The following MINDY2 variants were observed in gnomAD, a reference collection of about 807,000 sequenced individuals.
The protein encoded by MINDY2 is ubiquitin carboxyl-terminal hydrolase MINDY-2.
MINDY2 carries 52 observed loss-of-function variants against 68.2 expected under a neutral mutation model. The observed-to-expected ratio is 0.76, with a 90% CI of 0.61 to 0.96. MINDY2 has a LOEUF of 0.96. Ranked by LOEUF, MINDY2 falls within the 40% of genes least tolerant of loss-of-function variation. The probability of loss-of-function intolerance (pLI) is 0.00; values close to 1 mark genes in which losing one functional copy is unlikely to be tolerated. For synonymous variants in MINDY2, 372 were observed against 303.0 expected (o/e 1.23, Z -2.36); for missense variants, 881 against 773.4 (o/e 1.14, Z -1.65).
chr15:58,803,270 T>A (rs1231115320), intron 3 of MINDY2, among the ~76,000 whole-genome samples: 1 of 146,350 alleles, frequency 6.8e-6, no homozygotes, highest in South Asian at 2.2e-4. Context: ...ATGGAGACCA[T>A]CCTTGTCAAC....
At chr15:58,807,668 T>C (rs1253142472) in intron 3 of MINDY2, among the ~76,000 whole-genome samples, 1 of 152,166 alleles carries the variant, frequency 6.6e-6, no homozygotes, top group Non-Finnish European at 1.5e-5. Context: ...CGGCCTAAAA[T>C]AGTCTTTATT....
intron 5 of MINDY2, among the ~76,000 whole-genome samples, chr15:58,829,653 A>G (rs1433198229): frequency 6.6e-6 from 1 of 152,216 alleles, no homozygotes; most frequent in Non-Finnish European, 1.5e-5. Flanking sequence ...TCTGAAGGGA[A>G]CATTTAGTAA....
intron 4 of MINDY2, 40 bp downstream of exon 4, chr15:58,810,428 G>GA: frequency 6.9e-7 from 1 of 1,458,698 alleles, no homozygotes; most frequent in Non-Finnish European, 9.2e-7. Flanking sequence ...ACAAATACAG[G>GA]AAAAATGTAT....
intron 2 of MINDY2, among the ~76,000 whole-genome samples, chr15:58,799,459 T>G (rs1206200746): frequency 6.6e-6 from 1 of 151,204 alleles, no homozygotes; most frequent in African/African-American, 2.4e-5. Flanking sequence ...CCCAGCTACT[T>G]GGGAGGCTGA....
chr15:58,840,356 A>G (rs1428950704), intron 6 of MINDY2, among the ~76,000 whole-genome samples: 1 of 152,116 alleles, frequency 6.6e-6, no homozygotes, highest in African/African-American at 2.4e-5. Context: ...TTTGTGGTTT[A>G]CTGTTGCTAA....
At chr15:58,837,577 A>G (rs961452423) in intron 6 of MINDY2, among the ~76,000 whole-genome samples, 37 of 151,324 alleles carry the variant, frequency 2.4e-4, no homozygotes, top group African/African-American at 8.7e-4. Context: ...TAAACAAACT[A>G]TGGCTATTTT....
Position 58,821,822 on chromosome 15 carries a change from G to A in MINDY2, c.1225+3G>A. 6.4e-7 allele frequency: 1 copy of A among 1,566,736 alleles called. No individual in the cohort carries two copies. Among genetic ancestry groups the A allele is most frequent in the South Asian group, 1.2e-5 (1 of 83,294 alleles). On this transcript the variant is annotated splice_donor_region_variant and intron_variant, in intron 5 of 8. Coordinates refer to ENST00000559228, the MANE Select transcript of MINDY2 (RefSeq NM_001040450.3). ...CAATAGTGAGCTGGTTAGTGAAGGT[G>A]GGTGAGTGCTGCTATTTCCTGACTT...
intron 5 of MINDY2, among the ~76,000 whole-genome samples, chr15:58,827,612 C>T (rs1168379508): frequency 2.0e-5 from 3 of 152,042 alleles, no homozygotes; most frequent in Non-Finnish European, 4.4e-5. Context: ...TACAGGCGCC[C>T]GCCACCACGG....
chr15:58,787,636 C>T (rs979639287), intron 1 of MINDY2, among the ~76,000 whole-genome samples: 2 of 150,276 alleles, frequency 1.3e-5, no homozygotes, highest in Non-Finnish European at 2.9e-5. Flanking sequence ...ACTCGGAAGG[C>T]TGAGGCAGGA....
Position 58,804,269 on chromosome 15 carries a change from C to T in MINDY2, c.963+1892C>T, listed in dbSNP as rs985029567. The stretch of plus-strand genomic sequence containing the variant: ...ATAGAAACCTCTTTTCAAATGAAAT[C>T]TCATCCCAGCTTCCAATATATAAAA... On this transcript the variant is annotated intron_variant, in intron 3 of 8. Transcript: ENST00000559228. Among the ~76,000 whole-genome samples the T allele has an allele frequency of 2.0e-5, 3 of 152,236 alleles. No homozygotes were observed. The East Asian group carries it at 5.8e-4, about 29-fold the overall frequency.
chr15:58,836,291 G>C (rs2031990915), intron 6 of MINDY2, among the ~76,000 whole-genome samples: 1 of 151,436 alleles, frequency 6.6e-6, no homozygotes, highest in Non-Finnish European at 1.5e-5. Context: ...CCAGGATGGA[G>C]TGCAGTGGCT....
At chr15:58,838,428 A>G (rs1015941988) in intron 6 of MINDY2, among the ~76,000 whole-genome samples, 13 of 152,014 alleles carry the variant, frequency 8.6e-5, no homozygotes, top group African/African-American at 3.1e-4. Flanking sequence ...ACTTTCAGCA[A>G]ACAAAATTTA....
intron 3 of MINDY2, among the ~76,000 whole-genome samples, chr15:58,808,438 A>G (rs2029971435): frequency 6.6e-6 from 1 of 152,048 alleles, no homozygotes; most frequent in Admixed American, 6.6e-5. Context: ...TGCCCTTTCC[A>G]GAATGTCATT....
intron 5 of MINDY2, among the ~76,000 whole-genome samples, chr15:58,822,753 T>C (rs534146021): frequency 2.0e-5 from 3 of 152,286 alleles, no homozygotes; most frequent in South Asian, 2.1e-4. Context: ...CATGTAGATA[T>C]ACCTTCTCAG....
At chr15:58,774,548 G>C (rs191981239) in intron 1 of MINDY2, among the ~76,000 whole-genome samples, 1 of 150,976 alleles carries the variant, frequency 6.6e-6, no homozygotes, top group Admixed American at 6.6e-5. Flanking sequence ...ATCTGCCCTC[G>C]TGTAGCTGAC....
intron 4 of MINDY2, among the ~76,000 whole-genome samples, chr15:58,812,844 C>T (rs765162211): frequency 3.3e-4 from 50 of 152,200 alleles, no homozygotes; most frequent in African/African-American, 1.1e-3. Context: ...AGAGAAAGAG[C>T]GAGACCCTGT....
chr15:58,852,973 G>T (rs1402482062), intron 8 of MINDY2, among the ~76,000 whole-genome samples: 15 of 17,094 alleles, frequency 8.8e-4, no homozygotes, highest in East Asian at 4.6e-3. Context: ...TTTTTTTTAA[G>T]ACAGAGTCTC....
intron 6 of MINDY2, among the ~76,000 whole-genome samples, chr15:58,838,067 C>T (rs1407074617): frequency 2.0e-5 from 3 of 151,468 alleles, no homozygotes; most frequent in South Asian, 2.1e-4. Flanking sequence ...GAACATCTAT[C>T]GCATAAATAC....
In MINDY2 at chr15:58,802,375, C is replaced by CAGGTAA. The variant is rs1902725603; in HGVS notation, c.962_963+4dup. 3.8e-6 allele frequency: 6 copies of CAGGTAA among 1,572,944 alleles called. No homozygotes were observed. The African/African-American group carries it at 8.2e-5, about 22-fold the overall frequency. On this transcript the variant is annotated inframe_insertion and splice_region_variant, in exon 3 of 9. Transcript: ENST00000559228. ...AGAAATTCAACGTTTAAATTATGAA[C>CAGGTAA]AGGTAATAAACAGTTTTTGTTAAAG...
Sources: gnomAD v4.1 joint callset for allele counts (sites outside exome capture counted in the v4.1 genomes callset) on GRCh38, gnomAD v4.1.1 for gene constraint, MANE v1.5 for transcripts, NCBI Gene and HGNC (gene_info 2026-07-23, HGNC 2026-07-21) for gene names.